Variants in RNF180 observed in about 807,000 individuals in gnomAD.
RNF180 encodes the protein E3 ubiquitin-protein ligase RNF180.
A neutral mutation model predicts 59.2 loss-of-function variants in RNF180; 38 were observed. That is an observed-to-expected ratio of 0.64 (90% CI 0.50 to 0.84). RNF180 has a LOEUF of 0.84. Among genes scored for constraint, RNF180 ranks in the 40% least tolerant of loss-of-function variants. The pLI, the probability that RNF180 is intolerant of heterozygous loss-of-function variation, is 0.00. For missense variants in RNF180, 705 were observed against 700.9 expected, an observed-to-expected ratio of 1.01 and a Z score of -0.07; for synonymous variants, 262 against 240.3, an observed-to-expected ratio of 1.09 and a Z score of -0.84.
At chr5:64,282,329 G>T (rs2112392966) in intron 5 of RNF180, among the ~76,000 whole-genome samples, 1 of 152,268 alleles carries the variant, frequency 6.6e-6, no homozygotes, top group East Asian at 1.9e-4. Flanking sequence ...TAGTTTGTGT[G>T]CATAGAGGTG....
rs1746650936 is a variant in RNF180, at chr5:64,371,273, T to G, written c.*1459T>G. ...ACACAGATAAATTTATACTTATAAA[T>G]GGATATTTATAATTACTAATTGCTC... On this transcript the variant is annotated 3_prime_UTR_variant, in exon 8 of 8. Transcript: ENST00000389100. The G allele has an allele frequency of 6.6e-6, 1 of 151,614 alleles. No individual in the cohort carries two copies. Among genetic ancestry groups the G allele is most frequent in the African/African-American group, 2.4e-5 (1 of 41,384 alleles). The allele number at this position is 151,614 out of a possible 1,614,324, so 9.4% of individuals were successfully genotyped here.
intron 1 of RNF180, among the ~76,000 whole-genome samples, chr5:64,181,594 G>T (rs926419990): frequency 6.6e-6 from 1 of 152,146 alleles, no homozygotes; most frequent in African/African-American, 2.4e-5. Context: ...TGAGTGCTTT[G>T]TATGTCAGCA....
chr5:64,233,934 G>T (rs1307248269), intron 5 of RNF180, among the ~76,000 whole-genome samples: 1 of 152,148 alleles, frequency 6.6e-6, no homozygotes, highest in Non-Finnish European at 1.5e-5. Flanking sequence ...CCCTGGTCTG[G>T]TTCAGAAAAC....
intron 5 of RNF180, among the ~76,000 whole-genome samples, chr5:64,262,207 A>AAG (rs1277440988): frequency 3.3e-5 from 5 of 152,146 alleles, no homozygotes; most frequent in African/African-American, 7.2e-5. Flanking sequence ...AGGGGTAAAT[A>AAG]ATATATATAT....
chr5:64,251,180 A>C (rs1743552006), intron 5 of RNF180, among the ~76,000 whole-genome samples: 1 of 152,220 alleles, frequency 6.6e-6, no homozygotes, highest in African/African-American at 2.4e-5. Flanking sequence ...AATTAGGTAT[A>C]CAAGGAATTT....
chr5:64,190,682 A>T (rs1433403913), intron 1 of RNF180, among the ~76,000 whole-genome samples: 1 of 152,154 alleles, frequency 6.6e-6, no homozygotes, highest in Non-Finnish European at 1.5e-5. Context: ...ATGAGGTCAA[A>T]AGGGTGGGGC....
At chr5:64,368,614 GA>G (rs1202015260) in intron 7 of RNF180, among the ~76,000 whole-genome samples, 10 of 151,588 alleles carry the variant, frequency 6.6e-5, no homozygotes, top group Non-Finnish European at 1.5e-4. Flanking sequence ...AAATTTACAA[GA>G]AAAAAACAAA....
chr5:64,168,151 A>T (rs1749748041), intron 1 of RNF180, among the ~76,000 whole-genome samples: 1 of 152,198 alleles, frequency 6.6e-6, no homozygotes, highest in South Asian at 2.1e-4. Context: ...AAAACATTTC[A>T]TGATAACATT....
intron 5 of RNF180, among the ~76,000 whole-genome samples, chr5:64,258,698 T>C (rs1744137502): frequency 6.6e-6 from 1 of 152,168 alleles, no homozygotes; most frequent in African/African-American, 2.4e-5. Context: ...TACATATGTA[T>C]GTTTAGAGTT....
chr5:64,267,242 A>T (rs1268806839), intron 5 of RNF180, among the ~76,000 whole-genome samples: 1 of 152,156 alleles, frequency 6.6e-6, no homozygotes, highest in Non-Finnish European at 1.5e-5. Flanking sequence ...TAAAGCCTAT[A>T]GATACTTTCT....
At chr5:64,364,589 T>C (rs780751405) in intron 7 of RNF180, among the ~76,000 whole-genome samples, 22 of 151,804 alleles carry the variant, frequency 1.4e-4, no homozygotes, top group Non-Finnish European at 2.4e-4. Flanking sequence ...GTTGGCCTCA[T>C]AGAATGCGTT....
intron 1 of RNF180, 28 bp from the exon 2 acceptor site, chr5:64,200,780 T>C: frequency 6.3e-7 from 1 of 1,598,754 alleles, no homozygotes; most frequent in Non-Finnish European, 8.6e-7. Flanking sequence ...CAGTTTAACA[T>C]TCTAAAAATG....
intron 5 of RNF180, among the ~76,000 whole-genome samples, chr5:64,222,981 T>C (rs1300458066): frequency 1.3e-5 from 2 of 152,224 alleles, no homozygotes; most frequent in Non-Finnish European, 2.9e-5. Context: ...TCCCTTACAT[T>C]AGTTTTCTAT....
At chr5:64,165,661 G>C (rs1030359447), upstream of RNF180, among the ~76,000 whole-genome samples, 1 of 152,184 alleles carries the variant, frequency 6.6e-6, no homozygotes, top group Non-Finnish European at 1.5e-5. Context: ...GCCTGCGCGG[G>C]GTCAAAGCCC....
intron 2 of RNF180, among the ~76,000 whole-genome samples, chr5:64,205,409 G>A (rs1369402181): frequency 6.6e-6 from 1 of 152,046 alleles, no homozygotes; most frequent in East Asian, 1.9e-4. Context: ...ATGAAATGTG[G>A]GCAAAAACCA....
intron 5 of RNF180, among the ~76,000 whole-genome samples, chr5:64,277,437 G>T (rs1166798594): frequency 3.9e-5 from 6 of 152,132 alleles, no homozygotes; most frequent in African/African-American, 1.4e-4. Flanking sequence ...GTACTTATGG[G>T]CACACATGCT....
At chr5:64,369,201 C>G (rs945670183) in intron 7 of RNF180, among the ~76,000 whole-genome samples, 29 of 151,836 alleles carry the variant, frequency 1.9e-4, no homozygotes, top group African/African-American at 6.5e-4. Flanking sequence ...TCAGTAAACT[C>G]TCGCAAGGAC....
intron 1 of RNF180, among the ~76,000 whole-genome samples, chr5:64,176,190 A>G (rs1199820200): frequency 2.6e-5 from 4 of 152,048 alleles, no homozygotes; most frequent in African/African-American, 7.2e-5. Flanking sequence ...CTATTTCTTC[A>G]TAGTTCAATC....
chr5:64,306,330 A>C (rs1743453412), intron 5 of RNF180, among the ~76,000 whole-genome samples: 1 of 151,684 alleles, frequency 6.6e-6, no homozygotes, highest in Non-Finnish European at 1.5e-5. Flanking sequence ...TCCAATCATA[A>C]ATAATATATG....
Sources: gnomAD v4.1 joint callset for allele counts (sites outside exome capture counted in the v4.1 genomes callset) on GRCh38, gnomAD v4.1.1 for gene constraint, MANE v1.5 for transcripts, NCBI Gene and HGNC (gene_info 2026-07-23, HGNC 2026-07-21) for gene names.